Variants in STPG2 observed in about 807,000 individuals in gnomAD.
STPG2 encodes the protein sperm tail PG-rich repeat containing 2.
Under a neutral mutation model 54.2 loss-of-function variants are expected in STPG2, and 56 were observed. The ratio of observed to expected loss-of-function variants is 1.03; its 90% CI spans 0.83 to 1.29. The LOEUF is 1.29. Among genes scored for constraint, STPG2 ranks in the 50% most tolerant of loss-of-function variants. The probability of loss-of-function intolerance (pLI) is 0.00; values close to 1 mark genes in which losing one functional copy is unlikely to be tolerated. For missense variants in STPG2, 596 were observed against 544.9 expected (o/e 1.09, Z -0.93); for synonymous variants, 200 against 181.8 (o/e 1.10, Z -0.81).
At chr4:97,808,697 CA>C (rs35441618) in intron 9 of STPG2, among the ~76,000 whole-genome samples, 63 of 142,528 alleles carry the variant, frequency 4.4e-4, no homozygotes, top group African/African-American at 8.7e-4. Flanking sequence ...AGACAAAAAC[CA>C]AAAAAAAAAC....
At chr4:97,693,353 T>G (rs1723441342) in intron 10 of STPG2, among the ~76,000 whole-genome samples, 1 of 151,964 alleles carries the variant, frequency 6.6e-6, no homozygotes, top group African/African-American at 2.4e-5. Context: ...AGGTATCCCA[T>G]GCAAATCAAC....
chr4:97,665,998 C>A (rs770754369), intron 10 of STPG2, among the ~76,000 whole-genome samples: 2 of 152,116 alleles, frequency 1.3e-5, no homozygotes, highest in Non-Finnish European at 2.9e-5. Flanking sequence ...GTAGGGGAGG[C>A]CTTCCTGGGC....
chr4:97,809,554 C>G lies in STPG2; in HGVS notation c.1204+31219G>C, dbSNP rs183281463. Among the ~76,000 whole-genome samples, 508 of 152,242 alleles carry G rather than the reference C, an allele frequency of 3.3e-3. 3 individuals carry two copies. Among genetic ancestry groups the G allele is most frequent in the African/African-American group, 0.012 (480 of 41,546 alleles). ...GAAGTCAGAATTTGAAGCATGAGAA[C>G]GATTTGATGTGCCTTGGCTAGCTTG... On this transcript the variant is annotated intron_variant, in intron 9 of 10. Transcript: ENST00000295268.
chr4:97,679,040 G>C (rs1016793711), intron 10 of STPG2, among the ~76,000 whole-genome samples: 4 of 152,102 alleles, frequency 2.6e-5, no homozygotes, highest in Non-Finnish European at 5.9e-5. Context: ...GGACATTTGG[G>C]TTGGTTCCAA....
At chr4:97,900,799 G>A (rs764411975) in intron 8 of STPG2, among the ~76,000 whole-genome samples, 10 of 151,978 alleles carry the variant, frequency 6.6e-5, no homozygotes, top group Non-Finnish European at 1.5e-4. Context: ...GGAAGGAAAG[G>A]AGCAGAAAAG....
intron 8 of STPG2, among the ~76,000 whole-genome samples, chr4:97,930,362 A>G (rs1419982484): frequency 6.6e-6 from 1 of 152,150 alleles, no homozygotes; most frequent in Non-Finnish European, 1.5e-5. Flanking sequence ...TATATGGTAT[A>G]AAAAGGGGGT....
intron 8 of STPG2, among the ~76,000 whole-genome samples, chr4:97,915,731 A>G (rs1484332877): frequency 6.6e-6 from 1 of 152,164 alleles, no homozygotes; most frequent in African/African-American, 2.4e-5. Flanking sequence ...ATTGTGGACC[A>G]TAAGGCTGGA....
At chr4:97,797,310 T>G (rs1044454730) in intron 9 of STPG2, among the ~76,000 whole-genome samples, 8 of 152,224 alleles carry the variant, frequency 5.3e-5, no homozygotes, top group Non-Finnish European at 1.0e-4. Context: ...TTCAGTATGA[T>G]ATTGGCTGTG....
At position 97,525,202 on chromosome 4, in the gene STPG2, A is replaced by G. The variant is rs148809604; in HGVS notation, c.462+187497T>C. 3.6e-3 allele frequency among the ~76,000 whole-genome samples: 545 copies of G among 151,874 alleles called. 4 individuals carry two copies. Among genetic ancestry groups the G allele is most frequent in the African/African-American group, 0.013 (522 of 41,524 alleles). On this transcript the variant is annotated intron_variant, in intron 4 of 4. Transcript: ENST00000522676. Reference sequence around the variant, plus strand: ...AATTCATTTTTATCTAAATATTTTTAATTTAATATATTTAACTTTCACTTG... The same window carrying G: ...AATTCATTTTTATCTAAATATTTTTGATTTAATATATTTAACTTTCACTTG...
intron 5 of STPG2, among the ~76,000 whole-genome samples, chr4:98,009,355 G>A (rs1383183699): frequency 7.8e-6 from 1 of 128,778 alleles, no homozygotes; most frequent in Non-Finnish European, 1.7e-5. Context: ...TTGTTCAGAA[G>A]TGTGTCATTC....
chr4:97,712,035 C>T lies in STPG2; in HGVS notation c.1320+664G>A, dbSNP rs568341311. Among the ~76,000 whole-genome samples the T allele has an allele frequency of 3.9e-5, 6 of 152,012 alleles. No individual in the cohort carries two copies. In the South Asian group the frequency reaches 1.2e-3, roughly 32 times the overall value. The stretch of plus-strand genomic sequence containing the variant: ...AATATAAATAAACTTGTCATTAGCC[C>T]CAAAAAGAACATTCATTTTGGTTTG... On this transcript the variant is annotated intron_variant, in intron 10 of 10. Coordinates refer to ENST00000295268, the MANE Select transcript of STPG2 (RefSeq NM_174952.3).
intron 8 of STPG2, among the ~76,000 whole-genome samples, chr4:97,924,718 G>A (rs1478230978): frequency 1.3e-5 from 2 of 152,128 alleles, no homozygotes; most frequent in Admixed American, 1.3e-4. Flanking sequence ...TCATAAATTT[G>A]ATATAAAGAG....
intron 4 of STPG2, among the ~76,000 whole-genome samples, chr4:97,546,362 G>A (rs901116134): frequency 1.3e-5 from 2 of 151,838 alleles, no homozygotes; most frequent in Admixed American, 1.3e-4. Context: ...CAGATAAAGA[G>A]TATATTGGTT....
chr4:97,551,166 G>C (rs1222393793), intron 4 of STPG2, among the ~76,000 whole-genome samples: 1 of 152,054 alleles, frequency 6.6e-6, no homozygotes, highest in South Asian at 2.1e-4. Context: ...CCTTTAGCTA[G>C]ACATAGAGCA....
intron 8 of STPG2, among the ~76,000 whole-genome samples, chr4:97,935,833 A>G (rs1345572834): frequency 1.3e-5 from 2 of 152,086 alleles, no homozygotes; most frequent in Non-Finnish European, 2.9e-5. Context: ...TCTGTGTGGC[A>G]CTGAGAAGAA....
At chr4:97,806,022 A>T (rs1224243677) in intron 9 of STPG2, among the ~76,000 whole-genome samples, 2 of 152,214 alleles carry the variant, frequency 1.3e-5, no homozygotes, top group Non-Finnish European at 2.9e-5. Context: ...AAAGGAAAAT[A>T]AATTGTTCTA....
At chr4:97,484,058 T>C (rs1730293050) in intron 4 of STPG2, among the ~76,000 whole-genome samples, 2 of 151,696 alleles carry the variant, frequency 1.3e-5, no homozygotes, top group Non-Finnish European at 3.0e-5. Flanking sequence ...TCAAAACCTC[T>C]GGGATACAGC....
intron 10 of STPG2, among the ~76,000 whole-genome samples, chr4:97,705,385 G>A (rs1301351907): frequency 6.6e-6 from 1 of 151,814 alleles, no homozygotes; most frequent in Non-Finnish European, 1.5e-5. Context: ...GAGTGCAGTG[G>A]CGCGATCTCG....
At chr4:97,593,929 T>C (rs1733214158) in intron 10 of STPG2, among the ~76,000 whole-genome samples, 1 of 151,854 alleles carries the variant, frequency 6.6e-6, no homozygotes, top group Non-Finnish European at 1.5e-5. Flanking sequence ...CTTCCAGAAA[T>C]GAAGCCAGTC....
Sources: gnomAD v4.1 joint callset for allele counts (sites outside exome capture counted in the v4.1 genomes callset) on GRCh38, gnomAD v4.1.1 for gene constraint, MANE v1.5 for transcripts, NCBI Gene and HGNC (gene_info 2026-07-23, HGNC 2026-07-21) for gene names.